Variants in PRKN observed in about 807,000 individuals in gnomAD.
The protein encoded by PRKN is E3 ubiquitin-protein ligase parkin.
Under a neutral mutation model 59.5 loss-of-function variants are expected in PRKN, and 56 were observed. The observed-to-expected ratio is 0.94, with a 90% confidence interval of 0.76 to 1.18. The LOEUF (loss-of-function observed/expected upper bound fraction) is 1.18. Ranked by LOEUF, PRKN falls within the 50% of genes most tolerant of loss-of-function variation. The pLI is 0.00. For missense variants in PRKN, 657 were observed against 596.4 expected, an observed-to-expected ratio of 1.10 and a Z score of -1.06; for synonymous variants, 250 against 222.1, an observed-to-expected ratio of 1.13 and a Z score of -1.12.
At chr6:162,011,485 A>T (rs1782708752) in intron 5 of PRKN, among the ~76,000 whole-genome samples, 1 of 15,286 alleles carries the variant, frequency 6.5e-5, no homozygotes, top group South Asian at 1.3e-3. Context: ...AATATATTAT[A>T]ATATATATAA....
At chr6:161,844,696 T>C (rs957135376) in intron 6 of PRKN, among the ~76,000 whole-genome samples, 3 of 152,252 alleles carry the variant, frequency 2.0e-5, no homozygotes, top group Non-Finnish European at 4.4e-5. Context: ...TCCCCGATTC[T>C]TGTTCACAAG....
At chr6:162,286,222 A>C (rs375971269) in intron 2 of PRKN, among the ~76,000 whole-genome samples, 10 of 149,710 alleles carry the variant, frequency 6.7e-5, no homozygotes, top group Non-Finnish European at 1.3e-4. Flanking sequence ...CACAGGTTTT[A>C]TCACGTTTAT....
Position 161,973,355 on chromosome 6 carries a change from G to A in PRKN, c.681C>T (p.His227=), listed in dbSNP as rs2128251984. 3 of 1,613,844 alleles carry A rather than the reference G, an allele frequency of 1.9e-6. No homozygotes were observed. Among genetic ancestry groups the A allele is most frequent in the Non-Finnish European group, 2.5e-6 (3 of 1,179,758 alleles). The change falls in exon 6 of 12, where the codon CAC becomes CAT. Residue 227 remains histidine (H), a synonymous_variant. Coordinates refer to ENST00000366898, the MANE Select transcript of PRKN (RefSeq NM_004562.3). ...TGTTCCGACTATTTGTTGCGATCAG[G>A]TGCAAAGCTACTGATGTTTCCTTGT... ...TSDKETSVAL[H]LIATNSRNIT...
chr6:162,254,287 T>C (rs1393378815), intron 3 of PRKN, among the ~76,000 whole-genome samples: 1 of 151,872 alleles, frequency 6.6e-6, no homozygotes, highest in African/African-American at 2.4e-5. Context: ...TAAAACCCTG[T>C]CTCTATTAAA....
At chr6:161,577,642 G>A (rs1465247018) in intron 7 of PRKN, among the ~76,000 whole-genome samples, 1 of 152,208 alleles carries the variant, frequency 6.6e-6, no homozygotes, top group Non-Finnish European at 1.5e-5. Flanking sequence ...AGATGAGGCA[G>A]TTACCAGTCC....
At chr6:161,746,617 G>T (rs947828968) in intron 7 of PRKN, among the ~76,000 whole-genome samples, 1 of 138,456 alleles carries the variant, frequency 7.2e-6, no homozygotes, top group Non-Finnish European at 1.5e-5. Flanking sequence ...CACATACATA[G>T]ATATATACAC....
At chr6:161,532,166 C>A (rs561275) in intron 9 of PRKN, among the ~76,000 whole-genome samples, 698 of 115,354 alleles carry the variant, frequency 6.1e-3, no homozygotes, top group South Asian at 0.015. Context: ...CTCTCTCTCT[C>A]TATATATATA....
intron 6 of PRKN, among the ~76,000 whole-genome samples, chr6:161,862,551 CAA>C (rs1467791543): frequency 6.6e-6 from 1 of 152,068 alleles, no homozygotes; most frequent in East Asian, 1.9e-4. Flanking sequence ...AAAGGGATCT[CAA>C]GAGTATAAAT....
intron 4 of PRKN, among the ~76,000 whole-genome samples, chr6:162,152,391 C>T (rs1782311876): frequency 6.6e-6 from 1 of 152,186 alleles, no homozygotes; most frequent in East Asian, 1.9e-4. Context: ...ACCTCAAGCT[C>T]ACCAGGCCCA....
At position 161,472,140 on chromosome 6, in the gene PRKN, G is replaced by A. The variant is rs546184564; in HGVS notation, c.1083+76714C>T. 2.8e-4 allele frequency among the ~76,000 whole-genome samples: 42 copies of A among 152,212 alleles called. No individual in the cohort carries two copies. In the East Asian group the frequency reaches 6.6e-3, roughly 24 times the overall value. On this transcript the variant is annotated intron_variant, in intron 9 of 11. Coordinates refer to ENST00000366898, the MANE Select transcript of PRKN (RefSeq NM_004562.3). ...GCCTGCTTTAATGACTGAAGGATAA[G>A]CCCTTCACAGAAGGACTAAGGCTTC...
rs186916543 is a variant in PRKN, at chr6:162,707,088, A to C, written c.7+20574T>G. ...AAAAGTTAATTAAATTCTAAGTTAA[A>C]TTTCTAATACATATAAAGGATGCTT... On this transcript the variant is annotated intron_variant, in intron 1 of 11. Coordinates refer to ENST00000366898, the MANE Select transcript of PRKN (RefSeq NM_004562.3). Among the ~76,000 whole-genome samples the C allele has an allele frequency of 3.2e-3, 483 of 151,680 alleles. 6 individuals are homozygous for C. The highest frequency in any genetic ancestry group is 6.8e-3 in the Middle Eastern group (2 of 292).
chr6:162,031,546 T>A (rs1295655552), intron 5 of PRKN, among the ~76,000 whole-genome samples: 3 of 151,712 alleles, frequency 2.0e-5, no homozygotes, highest in Non-Finnish European at 4.4e-5. Context: ...TTCTTTTTTT[T>A]TTTTTTGAGA....
In PRKN at chr6:162,010,549, T is replaced by TAATATTATATAATATA. The variant is rs1562455983; in HGVS notation, c.619-37133_619-37132insTATATTATATAATATT. The stretch of plus-strand genomic sequence containing the variant: ...TAATATATTATATAATGTATTATAT[T>TAATATTATATAATATA]ATATATTATATAATATATTATATAA... On this transcript the variant is annotated intron_variant, in intron 5 of 11. Transcript: ENST00000366898. Among the ~76,000 whole-genome samples the TAATATTATATAATATA allele has an allele frequency of 6.0e-4, 4 of 6,614 alleles. 2 individuals are homozygous for TAATATTATATAATATA. In the African/African-American group the frequency reaches 8.2e-3, roughly 14 times the overall value. 4.3% of individuals were successfully genotyped at this position (6,614 alleles called of 152,430 possible).
chr6:162,278,211 T>C (rs1043026316), intron 2 of PRKN, among the ~76,000 whole-genome samples: 2 of 152,198 alleles, frequency 1.3e-5, no homozygotes, highest in Non-Finnish European at 2.9e-5. Context: ...AGGCCACATG[T>C]TGTATTATAC....
At chr6:162,422,452 T>G (rs1296165343) in intron 2 of PRKN, among the ~76,000 whole-genome samples, 1 of 152,148 alleles carries the variant, frequency 6.6e-6, no homozygotes, top group Non-Finnish European at 1.5e-5. Context: ...GCTGACAGCC[T>G]TACTTGGGTC....
At chr6:162,655,747 A>G (rs1778620128) in intron 1 of PRKN, among the ~76,000 whole-genome samples, 1 of 152,204 alleles carries the variant, frequency 6.6e-6, no homozygotes, top group African/African-American at 2.4e-5. Context: ...TAACTGTAAT[A>G]CCATATGGCA....
chr6:162,035,164 G>T (rs899772927), intron 5 of PRKN, among the ~76,000 whole-genome samples: 125 of 150,608 alleles, frequency 8.3e-4, no homozygotes, highest in Non-Finnish European at 1.6e-3. Flanking sequence ...GCCAGAGAGA[G>T]ATATATATAT....
intron 9 of PRKN, among the ~76,000 whole-genome samples, chr6:161,500,004 CTT>C (rs1441681606): frequency 6.6e-6 from 1 of 152,176 alleles, no homozygotes; most frequent in Non-Finnish European, 1.5e-5. Context: ...CATGCAGTGT[CTT>C]TGCCAAAAGT....
chr6:162,222,369 G>A (rs1777973628), intron 3 of PRKN, among the ~76,000 whole-genome samples: 2 of 152,140 alleles, frequency 1.3e-5, no homozygotes, highest in Non-Finnish European at 2.9e-5. Flanking sequence ...TAGAAAAACA[G>A]TCCAGATCTT....
Sources: gnomAD v4.1 joint callset for allele counts (sites outside exome capture counted in the v4.1 genomes callset) on GRCh38, gnomAD v4.1.1 for gene constraint, MANE v1.5 for transcripts, NCBI Gene and HGNC (gene_info 2026-07-23, HGNC 2026-07-21) for gene names.